The following PAPPA variants were observed in gnomAD, a reference collection of about 807,000 sequenced individuals.
The protein encoded by PAPPA is pappalysin-1.
PAPPA carries 60 observed loss-of-function variants against 164.0 expected under a neutral mutation model. The ratio of observed to expected loss-of-function variants is 0.37; its 90% CI spans 0.30 to 0.45. PAPPA has a LOEUF of 0.45. Ranked by LOEUF, PAPPA falls within the 20% of genes least tolerant of loss-of-function variation. The probability of loss-of-function intolerance (pLI) is 1.00; values close to 1 mark genes in which losing one functional copy is unlikely to be tolerated. For missense variants in PAPPA, 1,782 were observed against 2,087.3 expected, an observed-to-expected ratio of 0.85 and a Z score of 2.85; for synonymous variants, 875 against 814.1, an observed-to-expected ratio of 1.07 and a Z score of -1.27.
At chr9:116,331,646 C>A (rs373379291) in intron 11 of PAPPA, among the ~76,000 whole-genome samples, 18 of 152,254 alleles carry the variant, frequency 1.2e-4, no homozygotes, top group African/African-American at 4.1e-4. Flanking sequence ...CTCCTTGAGC[C>A]TTTTACTGAT....
chr9:116,281,248 A>G (rs938782543), intron 9 of PAPPA, among the ~76,000 whole-genome samples: 1 of 152,100 alleles, frequency 6.6e-6, no homozygotes, highest in Non-Finnish European at 1.5e-5. Flanking sequence ...ATACCTAGAG[A>G]TGACTGTGTA....
chr9:116,314,060 CTTTTTT>C (rs57871796), intron 10 of PAPPA, among the ~76,000 whole-genome samples: 1,332 of 69,694 alleles, frequency 0.019, 70 homozygotes, highest in South Asian at 0.06. Context: ...TGCATCGAAT[CTTTTTT>C]TTTTTTTTTT....
rs753867039 is a variant in PAPPA at position 116,362,753 on chromosome 9, G to A, written c.4495+14G>A. 24 of 1,609,116 alleles carry A rather than the reference G, an allele frequency of 1.5e-5. No homozygotes were observed. Among genetic ancestry groups the A allele is most frequent in the Non-Finnish European group, 1.8e-5 (21 of 1,177,460 alleles). ...GCTATGCCATAGGTATGATGGGCCC[G>A]AGAGGGGAGCAGTAGGAGGGGCAAT... On this transcript the variant is annotated intron_variant, in intron 18 of 21. Transcript: ENST00000328252.
chr9:116,365,283 G>C (rs1163423735), intron 18 of PAPPA, among the ~76,000 whole-genome samples: 1 of 152,114 alleles, frequency 6.6e-6, no homozygotes, highest in Non-Finnish European at 1.5e-5. Flanking sequence ...AGGCTTCTGT[G>C]GCAGTTATGA....
intron 7 of PAPPA, among the ~76,000 whole-genome samples, chr9:116,254,781 CA>C (rs143327103): frequency 0.2 from 12,351 of 60,398 alleles, 385 homozygotes; most frequent in East Asian, 0.32. Flanking sequence ...GACTCCGTCT[CA>C]AAAAAAAAAA....
At chr9:116,345,111 G>A (rs1439644889) in intron 14 of PAPPA, among the ~76,000 whole-genome samples, 4 of 152,166 alleles carry the variant, frequency 2.6e-5, no homozygotes, top group African/African-American at 9.7e-5. Context: ...CAAAGCATCT[G>A]TTCACTGGAA....
chr9:116,185,739 G>A (rs1053511484), intron 1 of PAPPA, among the ~76,000 whole-genome samples: 4 of 152,176 alleles, frequency 2.6e-5, no homozygotes, highest in Admixed American at 6.5e-5. Context: ...GGGTTGGTGA[G>A]CATAAAGATA....
intron 7 of PAPPA, among the ~76,000 whole-genome samples, chr9:116,235,941 G>A (rs1161374590): frequency 6.6e-6 from 1 of 152,200 alleles, no homozygotes; most frequent in African/African-American, 2.4e-5. Context: ...GATGAGAGTA[G>A]CAGTGAGAAA....
At chr9:116,203,261 A>G (rs1844192235) in intron 2 of PAPPA, among the ~76,000 whole-genome samples, 1 of 152,226 alleles carries the variant, frequency 6.6e-6, no homozygotes, top group African/African-American at 2.4e-5. Flanking sequence ...TACAACCTGT[A>G]TTAGATATAT....
At chr9:116,287,132 TTGTC>T (rs1190727169) in intron 9 of PAPPA, 1 of 152,222 alleles carries the variant, frequency 6.6e-6, no homozygotes, top group Non-Finnish European at 1.5e-5. Context: ...CTCAATTTCA[TTGTC>T]TGTAAAATGG....
chr9:116,293,809 C>T (rs192136235), intron 9 of PAPPA, among the ~76,000 whole-genome samples: 7 of 152,110 alleles, frequency 4.6e-5, no homozygotes, highest in East Asian at 3.9e-4. Flanking sequence ...ACAAAAAATT[C>T]GCCGGCTTGG....
At chr9:116,287,517 G>A (rs1432828306) in intron 9 of PAPPA, 1 of 152,212 alleles carries the variant, frequency 6.6e-6, no homozygotes, top group Non-Finnish European at 1.5e-5. Flanking sequence ...AGACTAGAGT[G>A]CGTTCGAGAA....
At position 116,206,441 on chromosome 9, in the gene PAPPA, A is replaced by G. The variant is rs1844236598; in HGVS notation, c.1479-1015A>G. On this transcript the variant is annotated intron_variant, in intron 2 of 21. Coordinates refer to ENST00000328252, the MANE Select transcript of PAPPA (RefSeq NM_002581.5). The stretch of plus-strand genomic sequence containing the variant: ...CATCAGGCAGCTGTTACTAATTTCA[A>G]TGTATTGATAAGGAAACTGAGGCCC... Among the ~76,000 whole-genome samples the G allele has an allele frequency of 2.0e-5, 3 of 152,252 alleles. No individual in the cohort carries two copies. In the South Asian group the frequency reaches 6.2e-4, roughly 32 times the overall value.
intron 9 of PAPPA, among the ~76,000 whole-genome samples, chr9:116,293,734 C>G (rs1305721564): frequency 6.6e-6 from 1 of 152,156 alleles, no homozygotes; most frequent in Non-Finnish European, 1.5e-5. Context: ...GCAGGCGGAT[C>G]ACCTGAGGTC....
intron 1 of PAPPA, among the ~76,000 whole-genome samples, chr9:116,165,259 G>A (rs1223965566): frequency 6.6e-6 from 1 of 152,094 alleles, no homozygotes; most frequent in South Asian, 2.1e-4. Flanking sequence ...ACTAATGGTA[G>A]TTATTTGTCC....
intron 1 of PAPPA, among the ~76,000 whole-genome samples, chr9:116,164,716 G>T (rs138747813): frequency 6.6e-6 from 1 of 152,278 alleles, no homozygotes; most frequent in East Asian, 1.9e-4. Flanking sequence ...GCAGAATGTG[G>T]CCAAATGCAT....
intron 1 of PAPPA, among the ~76,000 whole-genome samples, chr9:116,158,204 A>T (rs1843625651): frequency 6.6e-6 from 1 of 152,050 alleles, no homozygotes. Flanking sequence ...TACTCCCAAG[A>T]ATCTTTTTTT....
At chr9:116,260,876 C>T (rs1366509632) in intron 7 of PAPPA, among the ~76,000 whole-genome samples, 1 of 152,134 alleles carries the variant, frequency 6.6e-6, no homozygotes, top group Non-Finnish European at 1.5e-5. Context: ...AACACAAATT[C>T]CAAATCTTTC....
At chr9:116,387,589 G>A (rs185994269) in intron 21 of PAPPA, among the ~76,000 whole-genome samples, 311 of 152,258 alleles carry the variant, frequency 2.0e-3, no homozygotes, top group Admixed American at 7.3e-3. Flanking sequence ...TGCCCAGACT[G>A]GTCTTGAACT....
Sources: gnomAD v4.1 joint callset for allele counts (sites outside exome capture counted in the v4.1 genomes callset) on GRCh38, gnomAD v4.1.1 for gene constraint, MANE v1.5 for transcripts, NCBI Gene and HGNC (gene_info 2026-07-23, HGNC 2026-07-21) for gene names.